The following DNAH7 variants were observed in gnomAD, a reference collection of about 807,000 sequenced individuals.
DNAH7 encodes axonemal beta dynein heavy chain 7.
A neutral mutation model predicts 444.6 loss-of-function variants in DNAH7; 397 were observed. The observed-to-expected ratio is 0.89, with a 90% CI of 0.82 to 0.97. The LOEUF is 0.97. Ranked by LOEUF, DNAH7 falls within the 50% of genes least tolerant of loss-of-function variation. DNAH7 has a pLI of 0.00. For synonymous variants in DNAH7, 1,636 were observed against 1,624.4 expected, an observed-to-expected ratio of 1.01 and a Z score of -0.17; for missense variants, 4,902 against 4,800.8, an observed-to-expected ratio of 1.02 and a Z score of -0.62.
intron 58 of DNAH7, among the ~76,000 whole-genome samples, chr2:195,786,118 C>A (rs1257002875): frequency 1.3e-5 from 2 of 152,178 alleles, no homozygotes. Flanking sequence ...GATACACCAT[C>A]TGAACTCTCA....
intron 23 of DNAH7, 27 bp from the exon 24 acceptor site, chr2:195,922,224 T>TA (rs766926050): frequency 1.5e-6 from 2 of 1,329,916 alleles, no homozygotes; most frequent in South Asian, 2.4e-5. Context: ...AAAATGAAGT[T>TA]AAACAATAAA....
chr2:195,803,302 G>T (rs1044572400), intron 54 of DNAH7, among the ~76,000 whole-genome samples: 1 of 152,242 alleles, frequency 6.6e-6, no homozygotes, highest in Non-Finnish European at 1.5e-5. Context: ...TCTGTGAGTG[G>T]TTCAAACTGG....
intron 5 of DNAH7, among the ~76,000 whole-genome samples, chr2:196,037,531 A>G (rs1696472249): frequency 6.6e-6 from 1 of 152,204 alleles, no homozygotes; most frequent in Non-Finnish European, 1.5e-5. Context: ...CTGAATTAGA[A>G]ATTTAATGAA....
intron 45 of DNAH7, 131 bp from the exon 46 acceptor site, chr2:195,853,659 A>AG: frequency 5.5e-5 from 46 of 840,608 alleles, no homozygotes; most frequent in Non-Finnish European, 7.4e-5. Context: ...CTATATCACT[A>AG]TGATATAGGA....
In DNAH7 at chr2:195,871,657, A is replaced by G. The variant is rs1374691309; in HGVS notation, c.6633+593T>C. 2.0e-5 allele frequency among the ~76,000 whole-genome samples: 3 copies of G among 151,974 alleles called. No homozygotes were observed. In the East Asian group the frequency reaches 5.8e-4, roughly 29 times the overall value. ...ATCTCCTTAAAAAGTGTTCCATTTCAAATTTATTTGAAGTCAAACTAACAA... is the reference window on the plus strand; with the variant it reads ...ATCTCCTTAAAAAGTGTTCCATTTCGAATTTATTTGAAGTCAAACTAACAA... On this transcript the variant is annotated intron_variant, in intron 40 of 64. Transcript: ENST00000312428.
chr2:195,950,639 G>A (rs1460925982), intron 19 of DNAH7, among the ~76,000 whole-genome samples: 1 of 151,798 alleles, frequency 6.6e-6, no homozygotes, highest in East Asian at 1.9e-4. Context: ...ACAAGGTCAA[G>A]GGATCGAAAC....
chr2:195,745,858 C>A (rs1693368467), intron 63 of DNAH7, among the ~76,000 whole-genome samples: 1 of 152,188 alleles, frequency 6.6e-6, no homozygotes, highest in Non-Finnish European at 1.5e-5. Flanking sequence ...AAGCACTAAA[C>A]ATGGAAAGAA....
At chr2:195,840,119 C>T (rs1162191080) in intron 47 of DNAH7, among the ~76,000 whole-genome samples, 1 of 151,536 alleles carries the variant, frequency 6.6e-6, no homozygotes, top group Non-Finnish European at 1.5e-5. Flanking sequence ...AGCACATTAG[C>T]AAATCGAATC....
chr2:195,860,934 C>T (rs1011577809), intron 42 of DNAH7, among the ~76,000 whole-genome samples: 1 of 151,590 alleles, frequency 6.6e-6, no homozygotes, highest in Non-Finnish European at 1.5e-5. Context: ...TTTAAAAGTA[C>T]TTAAGGCTTA....
intron 48 of DNAH7, among the ~76,000 whole-genome samples, chr2:195,826,541 A>G (rs987060900): frequency 6.6e-6 from 1 of 152,226 alleles, no homozygotes; most frequent in Non-Finnish European, 1.5e-5. Flanking sequence ...TCAGCATTCA[A>G]TAATGTATCT....
At chr2:195,831,084 T>C (rs1305235639) in intron 48 of DNAH7, among the ~76,000 whole-genome samples, 1 of 152,174 alleles carries the variant, frequency 6.6e-6, no homozygotes, top group African/African-American at 2.4e-5. Context: ...TCAGATATGA[T>C]AAATTCTGCT....
At chr2:195,750,020 T>G (rs1045953181) in intron 63 of DNAH7, among the ~76,000 whole-genome samples, 1 of 151,770 alleles carries the variant, frequency 6.6e-6, no homozygotes, top group South Asian at 2.1e-4. Flanking sequence ...ATAAAATAAA[T>G]AAATAAATTA....
At chr2:195,767,808 A>T (rs1694655352) in intron 61 of DNAH7, among the ~76,000 whole-genome samples, 1 of 151,942 alleles carries the variant, frequency 6.6e-6, no homozygotes, top group Non-Finnish European at 1.5e-5. Flanking sequence ...CTGTATTCTT[A>T]AAAAATGTCA....
At chr2:195,740,087 G>A (rs1486926255) in intron 64 of DNAH7, among the ~76,000 whole-genome samples, 8 of 152,074 alleles carry the variant, frequency 5.3e-5, no homozygotes, top group Non-Finnish European at 1.0e-4. Flanking sequence ...AGGTTCAAGC[G>A]ATTCTCCTGC....
At chr2:195,973,414 T>C (rs1691977951) in intron 15 of DNAH7, among the ~76,000 whole-genome samples, 1 of 152,136 alleles carries the variant, frequency 6.6e-6, no homozygotes. Flanking sequence ...AATTCCACTT[T>C]TTCCTCTTTC....
intron 61 of DNAH7, among the ~76,000 whole-genome samples, chr2:195,768,648 T>C (rs1694699109): frequency 6.6e-6 from 1 of 152,102 alleles, no homozygotes; most frequent in Non-Finnish European, 1.5e-5. Context: ...CAATAACACA[T>C]ATGAGAATGC....
At chr2:195,929,505 G>A (rs1471302342) in intron 21 of DNAH7, among the ~76,000 whole-genome samples, 1 of 152,108 alleles carries the variant, frequency 6.6e-6, no homozygotes, top group Admixed American at 6.6e-5. Flanking sequence ...ACACAGCATG[G>A]TATGTGTACA....
chr2:196,053,008 C>G (rs1559373041), intron 2 of DNAH7, among the ~76,000 whole-genome samples: 1 of 148,978 alleles, frequency 6.7e-6, no homozygotes, highest in Non-Finnish European at 1.5e-5. Context: ...GACTAAGTCC[C>G]TCTGCTTATG....
intron 47 of DNAH7, among the ~76,000 whole-genome samples, chr2:195,841,478 G>T (rs1455647898): frequency 6.6e-6 from 1 of 151,692 alleles, no homozygotes; most frequent in East Asian, 1.9e-4. Context: ...CATATTAGAT[G>T]AATAAAATTT....
Sources: allele counts gnomAD v4.1 joint callset (sites outside exome capture counted in the v4.1 genomes callset), GRCh38; gene constraint gnomAD v4.1.1; transcripts MANE v1.5; gene names NCBI Gene and HGNC (gene_info 2026-07-23, HGNC 2026-07-21).